Variants in MED12L observed in about 807,000 individuals in gnomAD.
MED12L encodes mediator complex subunit 12L, also known as mediator of RNA polymerase II transcription subunit 12-like protein.
In MED12L, 60 loss-of-function variants were observed where a neutral mutation model predicts 281.3. The ratio of observed to expected loss-of-function variants is 0.21; its 90% CI spans 0.17 to 0.26. MED12L has a LOEUF of 0.26. Among genes scored for constraint, MED12L ranks in the 10% least tolerant of loss-of-function variants. MED12L has a pLI of 1.00. For synonymous variants in MED12L, 974 were observed against 987.2 expected (o/e 0.99, Z 0.25); for missense variants, 2,146 against 2,680.9 (o/e 0.80, Z 4.41).
At chr3:151,375,192 A>G (rs553698082) in intron 27 of MED12L, among the ~76,000 whole-genome samples, 1 of 152,328 alleles carries the variant, frequency 6.6e-6, no homozygotes, top group Admixed American at 6.5e-5. Context: ...GTTTGACTTA[A>G]TTAGTCTGAT....
intron 16 of MED12L, among the ~76,000 whole-genome samples, chr3:151,207,670 G>A (rs1483081591): frequency 6.6e-6 from 1 of 152,108 alleles, no homozygotes; most frequent in Non-Finnish European, 1.5e-5. Context: ...ACCAACATTG[G>A]AGTTTGCTTG....
intron 16 of MED12L, among the ~76,000 whole-genome samples, chr3:151,211,150 A>G (rs1727097321): frequency 6.6e-6 from 1 of 152,232 alleles, no homozygotes; most frequent in African/African-American, 2.4e-5. Flanking sequence ...TTGCTTCACA[A>G]TATCCTTATC....
At chr3:151,203,265 G>A (rs1319776026) in intron 16 of MED12L, 1 of 152,090 alleles carries the variant, frequency 6.6e-6, no homozygotes, top group Non-Finnish European at 1.5e-5. Context: ...GCATATTGAC[G>A]TAGATGAAAC....
At chr3:151,168,119 A>C (rs1428459351) in intron 11 of MED12L, among the ~76,000 whole-genome samples, 3 of 152,218 alleles carry the variant, frequency 2.0e-5, no homozygotes, top group Non-Finnish European at 4.4e-5. Context: ...TTTCAAAAAA[A>C]TTCAAGGGCA....
intron 16 of MED12L, among the ~76,000 whole-genome samples, chr3:151,276,740 T>C (rs1741922834): frequency 6.6e-6 from 1 of 152,168 alleles, no homozygotes; most frequent in African/African-American, 2.4e-5. Context: ...GTGGCCTTGC[T>C]CAGGATAGTC....
chr3:151,218,553 A>G (rs541933267), intron 16 of MED12L, among the ~76,000 whole-genome samples: 2 of 152,250 alleles, frequency 1.3e-5, no homozygotes, highest in East Asian at 1.9e-4. Context: ...AAAGATTCAT[A>G]TATATAGCTA....
rs1256862373 is a variant in MED12L at position 151,435,541 on chromosome 3, C to CTTA, written c.*2741_*2743dup. 1.3e-5 allele frequency: 2 copies of CTTA among 152,100 alleles called. No individual in the cohort carries two copies. Among genetic ancestry groups the CTTA allele is most frequent in the Non-Finnish European group, 2.9e-5 (2 of 68,014 alleles). 9.4% of individuals were successfully genotyped at this position (152,100 alleles called of 1,614,324 possible). The stretch of plus-strand genomic sequence containing the variant: ...GTCTCAAATGATTGGCAGGGGCTAA[C>CTTA]TTATTAGTAATTCTCGGTTTTGTGC... On this transcript the variant is annotated 3_prime_UTR_variant, in exon 45 of 45. Coordinates refer to ENST00000687756, the MANE Select transcript of MED12L (RefSeq NM_001393769.1).
At chr3:151,380,702 AGATT>A (rs1712137048) in intron 32 of MED12L, among the ~76,000 whole-genome samples, 1 of 152,214 alleles carries the variant, frequency 6.6e-6, no homozygotes, top group Non-Finnish European at 1.5e-5. Context: ...AGACACCACA[AGATT>A]AACAACTTTA....
chr3:151,396,732 G>A (rs1183654360), intron 39 of MED12L, among the ~76,000 whole-genome samples: 1 of 151,858 alleles, frequency 6.6e-6, no homozygotes, highest in African/African-American at 2.4e-5. Flanking sequence ...CTTATTTATA[G>A]CCCACTTTCA....
chr3:151,294,415 A>G, intron 16 of MED12L: 9 of 1,613,986 alleles, frequency 5.6e-6, no homozygotes, highest in Non-Finnish European at 7.6e-6. Context: ...CTAAGTGACT[A>G]AAAGTAAAAG....
intron 16 of MED12L, among the ~76,000 whole-genome samples, chr3:151,286,088 G>C (rs1743468322): frequency 6.6e-6 from 1 of 152,180 alleles, no homozygotes; most frequent in South Asian, 2.1e-4. Context: ...ATTGGGCTTT[G>C]CAATCATCAG....
intron 1 of MED12L, among the ~76,000 whole-genome samples, 176 bp downstream of exon 1, chr3:151,086,112 A>G (rs1339759768): frequency 6.6e-6 from 1 of 151,934 alleles, no homozygotes; most frequent in Non-Finnish European, 1.5e-5. Flanking sequence ...AGTCGGCCCC[A>G]CGCCACCGTG....
intron 16 of MED12L, among the ~76,000 whole-genome samples, chr3:151,311,315 TATAA>T (rs1267520984): frequency 2.6e-5 from 4 of 151,698 alleles, no homozygotes; most frequent in East Asian, 3.9e-4. Context: ...TATATATATA[TATAA>T]ACTGTGTGTG....
At chr3:151,338,516 G>C (rs765608592) in intron 16 of MED12L, 2 of 1,613,898 alleles carry the variant, frequency 1.2e-6, no homozygotes, top group South Asian at 1.1e-5. Context: ...ATGAAATACT[G>C]ATATACATTG....
Position 151,086,694 on chromosome 3 carries a change from G to A in MED12L, c.-129-104G>A, listed in dbSNP as rs538801936. 5.8e-5 allele frequency: 22 copies of A among 381,244 alleles called. No individual in the cohort carries two copies. In the Admixed American group the frequency reaches 8.0e-4, roughly 14 times the overall value. 23.6% of individuals were successfully genotyped at this position (381,244 alleles called of 1,614,324 possible). A position where few individuals can be genotyped will look rare whatever the true frequency, so the allele number is the denominator to read the frequency against. ...GCCGCCACCGGAGCGGTGCGTCCCG[G>A]GGCTCGAGCGCAGCCGAGTACCCGC... On this transcript the variant is annotated intron_variant, in intron 1 of 44. Transcript: ENST00000687756.
At chr3:151,128,007 C>T (rs1377191518) in intron 5 of MED12L, 23 bp downstream of exon 5, 3 of 1,589,882 alleles carry the variant, frequency 1.9e-6, no homozygotes, top group Non-Finnish European at 1.7e-6. Flanking sequence ...ATACAATACA[C>T]CTTACATTTC....
chr3:151,190,675 C>T (rs752932383), intron 13 of MED12L, 42 bp from the exon 14 acceptor site: 91 of 1,572,734 alleles, frequency 5.8e-5, no homozygotes, highest in Non-Finnish European at 7.6e-5. Context: ...TTTTTTCTAC[C>T]ACCTGCTCAA....
At chr3:151,118,771 G>A (rs1301697242) in intron 3 of MED12L, among the ~76,000 whole-genome samples, 4 of 151,684 alleles carry the variant, frequency 2.6e-5, no homozygotes, top group African/African-American at 9.7e-5. Flanking sequence ...TTCGCTCACT[G>A]CAACCTCTGC....
At chr3:151,115,489 C>T (rs968190328) in intron 2 of MED12L, among the ~76,000 whole-genome samples, 1 of 151,362 alleles carries the variant, frequency 6.6e-6, no homozygotes, top group African/African-American at 2.4e-5. Flanking sequence ...GCTGGGATCA[C>T]AGGCACCTGC....
Sources: allele counts gnomAD v4.1 joint callset (sites outside exome capture counted in the v4.1 genomes callset), GRCh38; gene constraint gnomAD v4.1.1; transcripts MANE v1.5; gene names NCBI Gene and HGNC (gene_info 2026-07-23, HGNC 2026-07-21).